The following ME1 variants were observed in gnomAD, a reference collection of about 807,000 sequenced individuals.
ME1 encodes the protein malic enzyme 1.
A neutral mutation model predicts 66.4 loss-of-function variants in ME1; 74 were observed. The observed-to-expected ratio is 1.11, with a 90% confidence interval of 0.92 to 1.35. The LOEUF (loss-of-function observed/expected upper bound fraction) is 1.35. ME1 is among the 40% of genes most tolerant of loss of function. The pLI is 0.00. For synonymous variants in ME1, 251 were observed against 235.6 expected, an observed-to-expected ratio of 1.07 and a Z score of -0.60; for missense variants, 750 against 694.1, an observed-to-expected ratio of 1.08 and a Z score of -0.90.
intron 1 of ME1, among the ~76,000 whole-genome samples, chr6:83,429,728 T>A (rs1204109496): frequency 6.6e-6 from 1 of 152,172 alleles, no homozygotes; most frequent in East Asian, 1.9e-4. Context: ...TGACTATAAC[T>A]TGTTAAATAA....
intron 5 of ME1, among the ~76,000 whole-genome samples, chr6:83,316,958 A>AT (rs1487727900): frequency 6.6e-6 from 1 of 152,056 alleles, no homozygotes; most frequent in Non-Finnish European, 1.5e-5. Flanking sequence ...AAAAATAAAA[A>AT]TAAAAAAAAA....
chr6:83,352,086 G>A lies in ME1; in HGVS notation c.416C>T (p.Ala139Val). The A allele has an allele frequency of 6.3e-7, 1 of 1,596,492 alleles. No homozygotes were observed. Among genetic ancestry groups the A allele is most frequent in the South Asian group, 1.1e-5 (1 of 89,190 alleles). Residue 139 changes from alanine to valine, a missense_variant, in exon 4 of 14, where the codon GCA becomes GTA. Coordinates refer to ENST00000369705, the MANE Select transcript of ME1 (RefSeq NM_002395.6). ...DRGHIASVLN[A>V]WPEDVIKAIV... ...TACCTTGATGACATCTTCTGGCCATGCATTGAGAACTGAAGCAATATGCCC... is the reference window on the plus strand; with the variant it reads ...TACCTTGATGACATCTTCTGGCCATACATTGAGAACTGAAGCAATATGCCC...
intron 7 of ME1, among the ~76,000 whole-genome samples, chr6:83,243,774 AT>A (rs1335500237): frequency 7.5e-6 from 1 of 133,958 alleles, no homozygotes; most frequent in Non-Finnish European, 1.5e-5. Context: ...ATTATATTAT[AT>A]TTATATATAA....
intron 12 of ME1, among the ~76,000 whole-genome samples, chr6:83,223,341 G>A (rs972655589): frequency 5.9e-5 from 9 of 152,136 alleles, no homozygotes; most frequent in Non-Finnish European, 8.8e-5. Flanking sequence ...TTTTAGTAGA[G>A]ATGAAGTTTC....
intron 6 of ME1, among the ~76,000 whole-genome samples, chr6:83,263,487 TA>T (rs1232394678): frequency 9.9e-5 from 15 of 152,204 alleles, no homozygotes; most frequent in African/African-American, 3.6e-4. Context: ...TGAAGTAAAC[TA>T]AAAGTGCTAC....
At chr6:83,387,897 T>A (rs1769541432) in intron 3 of ME1, among the ~76,000 whole-genome samples, 1 of 152,106 alleles carries the variant, frequency 6.6e-6, no homozygotes, top group Non-Finnish European at 1.5e-5. Context: ...GTGCAGCACA[T>A]ATAATATTAA....
intron 6 of ME1, among the ~76,000 whole-genome samples, chr6:83,270,286 T>C (rs1474709525): frequency 1.3e-5 from 2 of 152,186 alleles, no homozygotes; most frequent in African/African-American, 4.8e-5. Context: ...ATTGCCACTC[T>C]TCATTCCTTT....
At chr6:83,264,938 T>C (rs1421780707) in intron 6 of ME1, among the ~76,000 whole-genome samples, 2 of 152,186 alleles carry the variant, frequency 1.3e-5, no homozygotes, top group East Asian at 3.9e-4. Flanking sequence ...TTGACTCCAA[T>C]ATTGAAAGAA....
chr6:83,331,585 CA>C (rs1222661961), intron 5 of ME1, among the ~76,000 whole-genome samples: 1,350 of 73,198 alleles, frequency 0.018, 7 homozygotes, highest in Non-Finnish European at 0.024. Context: ...GACTCCATCT[CA>C]AAAAAAAAAA....
At chr6:83,375,722 C>A (rs904484142) in intron 3 of ME1, among the ~76,000 whole-genome samples, 11 of 152,210 alleles carry the variant, frequency 7.2e-5, no homozygotes, top group African/African-American at 2.6e-4. Context: ...ATGATAATGG[C>A]TGTGGGTGTG....
intron 6 of ME1, among the ~76,000 whole-genome samples, chr6:83,306,896 AG>A (rs1767834165): frequency 6.6e-6 from 1 of 152,154 alleles, no homozygotes; most frequent in Non-Finnish European, 1.5e-5. Flanking sequence ...GAACAAAAAC[AG>A]TGTAAAACAT....
At chr6:83,375,901 G>A (rs1479232810) in intron 3 of ME1, among the ~76,000 whole-genome samples, 1 of 152,076 alleles carries the variant, frequency 6.6e-6, no homozygotes, top group East Asian at 1.9e-4. Context: ...TACATTAATT[G>A]AATTGTGTAT....
chr6:83,312,720 T>G (rs188933357), intron 6 of ME1, among the ~76,000 whole-genome samples: 1 of 152,214 alleles, frequency 6.6e-6, no homozygotes, highest in East Asian at 1.9e-4. Flanking sequence ...CTATGTCCTC[T>G]CCTCCAAAGA....
intron 3 of ME1, among the ~76,000 whole-genome samples, chr6:83,393,608 C>CAAA (rs11394593): frequency 2.7e-5 from 3 of 109,682 alleles, no homozygotes; most frequent in Non-Finnish European, 5.8e-5. Flanking sequence ...CTGTGCTTGC[C>CAAA]AAAAAAAAAA....
At chr6:83,248,497 T>C (rs959600150) in intron 7 of ME1, among the ~76,000 whole-genome samples, 1 of 152,172 alleles carries the variant, frequency 6.6e-6, no homozygotes, top group African/African-American at 2.4e-5. Context: ...TGATACAGTT[T>C]AGCTCTGTGT....
intron 6 of ME1, among the ~76,000 whole-genome samples, chr6:83,304,548 T>C (rs1419046659): frequency 1.3e-5 from 2 of 152,192 alleles, no homozygotes; most frequent in African/African-American, 4.8e-5. Context: ...AAATGTGGCA[T>C]TTTTACCATG....
intron 12 of ME1, among the ~76,000 whole-genome samples, chr6:83,223,012 C>T (rs9449593): frequency 0.18 from 28,129 of 152,080 alleles, 3,644 homozygotes; most frequent in African/African-American, 0.36. Context: ...TGGTTTCTGT[C>T]TCCTGTACTG....
At chr6:83,331,929 A>ATTTT in intron 5 of ME1, among the ~76,000 whole-genome samples, 1 of 152,208 alleles carries the variant, frequency 6.6e-6, no homozygotes, top group Non-Finnish European at 1.5e-5. Flanking sequence ...GTCAAATAGC[A>ATTTT]AGCCTCAATA....
chr6:83,236,602 C>G (rs1413626133), intron 9 of ME1, among the ~76,000 whole-genome samples: 1 of 152,078 alleles, frequency 6.6e-6, no homozygotes, highest in Non-Finnish European at 1.5e-5. Flanking sequence ...AATATGGCCA[C>G]AAACCTAATT....
Sources: gnomAD v4.1 joint callset for allele counts (sites outside exome capture counted in the v4.1 genomes callset) on GRCh38, gnomAD v4.1.1 for gene constraint, MANE v1.5 for transcripts, NCBI Gene and HGNC (gene_info 2026-07-23, HGNC 2026-07-21) for gene names.